Variants in CEP120 observed in about 807,000 individuals in gnomAD.
CEP120 encodes the protein centrosomal protein of 120 kDa.
CEP120 carries 113 observed loss-of-function variants against 126.5 expected under a neutral mutation model. The ratio of observed to expected loss-of-function variants is 0.89; its 90% CI spans 0.77 to 1.04. The LOEUF is 1.04. CEP120 is among the 50% of genes least tolerant of loss of function. The pLI is 0.00. For synonymous variants in CEP120, 400 were observed against 394.3 expected (o/e 1.01, Z -0.17); for missense variants, 1,230 against 1,155.7 (o/e 1.06, Z -0.93).
chr5:123,360,547 A>T (rs1769998147), intron 18 of CEP120, among the ~76,000 whole-genome samples: 1 of 150,802 alleles, frequency 6.6e-6, no homozygotes, highest in African/African-American at 2.4e-5. Context: ...TTGAACCAGT[A>T]ATTTAAAACT....
chr5:123,400,172 G>A lies in CEP120; in HGVS notation c.464-888C>T, dbSNP rs149262960. ...AGTTGTGCTTACAGTAGCAGTGGCTGAAAACAGTATAATAATTAAGAGCAC... is the reference window on the plus strand; with the variant it reads ...AGTTGTGCTTACAGTAGCAGTGGCTAAAAACAGTATAATAATTAAGAGCAC... On this transcript the variant is annotated intron_variant, in intron 4 of 19. Coordinates refer to ENST00000306467, the MANE Select transcript of CEP120 (RefSeq NM_001375405.1). Among the ~76,000 whole-genome samples, 346 of 152,274 alleles carry A rather than the reference G, an allele frequency of 2.3e-3. 3 individuals are homozygous for A. The highest frequency in any genetic ancestry group is 8.0e-3 in the African/African-American group (332 of 41,548).
intron 12 of CEP120, 31 bp from the exon 13 acceptor site, chr5:123,382,920 C>T (rs1771753238): frequency 2.5e-6 from 4 of 1,609,612 alleles, no homozygotes; most frequent in East Asian, 2.2e-5. Context: ...TACATTTAAA[C>T]ACTCACACAC....
At chr5:123,381,019 G>C (rs1047702032) in intron 14 of CEP120, among the ~76,000 whole-genome samples, 2 of 151,334 alleles carry the variant, frequency 1.3e-5, no homozygotes, top group Non-Finnish European at 2.9e-5. Flanking sequence ...GTTTTTAATG[G>C]TGAGAATTAA....
chr5:123,402,299 A>G (rs1036559583), intron 4 of CEP120: 116 of 1,466,002 alleles, frequency 7.9e-5, no homozygotes, highest in Non-Finnish European at 1.0e-4. Flanking sequence ...CCCGGGGGCC[A>G]GAGGTGGACA....
intron 16 of CEP120, among the ~76,000 whole-genome samples, chr5:123,376,393 G>C (rs1330496103): frequency 1.3e-5 from 2 of 152,072 alleles, no homozygotes; most frequent in African/African-American, 4.8e-5. Context: ...CACGGGCAGA[G>C]AGTACACAGC....
chr5:123,397,981 G>A (rs1406101623), intron 5 of CEP120, among the ~76,000 whole-genome samples: 1 of 152,140 alleles, frequency 6.6e-6, no homozygotes, highest in African/African-American at 2.4e-5. Context: ...CTACTCAGGA[G>A]GCTGAGGCAG....
intron 6 of CEP120, 68 bp from the exon 7 acceptor site, chr5:123,391,405 TA>T: frequency 8.2e-7 from 1 of 1,224,088 alleles, no homozygotes. Flanking sequence ...ATCATAAACT[TA>T]ATAAGAAGTT....
Position 123,416,081 on chromosome 5 carries a change from G to C in CEP120, c.250C>G (p.Pro84Ala), listed in dbSNP as rs1424185468. 3 of 1,613,912 alleles carry C rather than the reference G, an allele frequency of 1.9e-6. No individual in the cohort carries two copies. The African/African-American group carries it at 4.0e-5, about 22-fold the overall frequency. The change falls in exon 3 of 20, where the codon CCT becomes GCT. Residue 84 changes from proline (P) to alanine (A), a missense_variant. Transcript: ENST00000306467. ...PIKLQCFALD[P>A]VTSAKETIGY... ...ATGGTTTCCTTGGCTGAAGTTACAGGATCCAAGGCAAAACATTGGAGTTTG... is the reference window on the plus strand; with the variant it reads ...ATGGTTTCCTTGGCTGAAGTTACAGCATCCAAGGCAAAACATTGGAGTTTG...
At chr5:123,394,773 C>CT (rs1772654626) in intron 5 of CEP120, among the ~76,000 whole-genome samples, 3 of 152,206 alleles carry the variant, frequency 2.0e-5, no homozygotes, top group Admixed American at 2.0e-4. Flanking sequence ...ATCATGTGGA[C>CT]TTACACACAT....
intron 8 of CEP120, 82 bp downstream of exon 8, chr5:123,389,842 T>C (rs959805115): frequency 3.2e-6 from 4 of 1,266,394 alleles, no homozygotes; most frequent in Admixed American, 1.9e-5. Flanking sequence ...TTATAACTCA[T>C]GAAAGTTCTC....
chr5:123,378,319 A>G lies in CEP120; in HGVS notation c.2196+17T>C, dbSNP rs1386078453. 1.5e-5 allele frequency: 24 copies of G among 1,568,820 alleles called. No individual in the cohort carries two copies. Among genetic ancestry groups the G allele is most frequent in the Non-Finnish European group, 2.1e-5 (24 of 1,157,658 alleles). ...CCCCTCTATGCTGAAAAAAAATACA[A>G]TGGACGAATGACATACCTCTGATTC... On this transcript the variant is annotated intron_variant, in intron 15 of 19. Transcript: ENST00000306467.
intron 7 of CEP120, chr5:123,390,866 A>G (rs1026942378): frequency 2.4e-5 from 9 of 372,278 alleles, no homozygotes; most frequent in African/African-American, 1.9e-4. Flanking sequence ...GGGGGAGACC[A>G]TAAGTGGGTT....
chr5:123,420,094 T>C (rs1774626370), intron 1 of CEP120, among the ~76,000 whole-genome samples: 1 of 152,350 alleles, frequency 6.6e-6, no homozygotes, highest in Non-Finnish European at 1.5e-5. Context: ...ATTGAAACTC[T>C]GTATTAGGAG....
At chr5:123,390,372 G>T (rs142768352) in intron 7 of CEP120, 1 of 586,784 alleles carries the variant, frequency 1.7e-6, no homozygotes, top group Non-Finnish European at 3.2e-6. Flanking sequence ...CATCCTAATG[G>T]GTAAGAAGGG....
intron 2 of CEP120, among the ~76,000 whole-genome samples, 165 bp from the exon 3 acceptor site, chr5:123,416,289 G>A (rs979583525): frequency 3.3e-5 from 5 of 152,096 alleles, no homozygotes; most frequent in African/African-American, 9.7e-5. Context: ...TAGGCCAGGC[G>A]CAATGGCTCA....
intron 2 of CEP120, among the ~76,000 whole-genome samples, chr5:123,416,736 A>C (rs1774418106): frequency 6.6e-6 from 1 of 152,152 alleles, no homozygotes. Flanking sequence ...AAGCTTCTGT[A>C]ATGTGTAAAA....
At chr5:123,387,931 T>G (rs945329494) in intron 9 of CEP120, among the ~76,000 whole-genome samples, 1 of 152,074 alleles carries the variant, frequency 6.6e-6, no homozygotes, top group Non-Finnish European at 1.5e-5. Context: ...GGTGTTTAGA[T>G]TCATAGCTAT....
chr5:123,418,807 T>C (rs1774538764), intron 1 of CEP120, among the ~76,000 whole-genome samples: 1 of 152,108 alleles, frequency 6.6e-6, no homozygotes, highest in African/African-American at 2.4e-5. Context: ...ATGTTGGAAC[T>C]CCTGACTTCA....
chr5:123,412,811 T>G (rs1284156196), intron 3 of CEP120, among the ~76,000 whole-genome samples: 1 of 152,198 alleles, frequency 6.6e-6, no homozygotes, highest in Admixed American at 6.5e-5. Flanking sequence ...GAAAGCATAA[T>G]ATATTTCTTT....
Sources: allele counts gnomAD v4.1 joint callset (sites outside exome capture counted in the v4.1 genomes callset), GRCh38; gene constraint gnomAD v4.1.1; transcripts MANE v1.5; gene names NCBI Gene and HGNC (gene_info 2026-07-23, HGNC 2026-07-21).